The following TBC1D19 variants were observed in gnomAD, a reference collection of about 807,000 sequenced individuals.
TBC1D19 encodes the protein TBC1 domain family, member 19.
A neutral mutation model predicts 89.0 loss-of-function variants in TBC1D19; 60 were observed. The observed-to-expected ratio is 0.67, with a 90% confidence interval of 0.55 to 0.84. The LOEUF is 0.84. Among genes scored for constraint, TBC1D19 ranks in the 40% least tolerant of loss-of-function variants. The pLI is 0.00. For synonymous variants in TBC1D19, 189 were observed against 199.7 expected (o/e 0.95, Z 0.45); for missense variants, 500 against 610.8 (o/e 0.82, Z 1.91).
Position 26,584,414 on chromosome 4 carries a change from AAAAC to A in TBC1D19, c.99+128_99+131del, listed in dbSNP as rs570024092. 5.1e-4 allele frequency: 459 copies of A among 900,116 alleles called. 6 individuals are homozygous for A. The highest frequency in any genetic ancestry group is 5.2e-4 in the Middle Eastern group (2 of 3,838). The allele number at this position is 900,116 out of a possible 1,614,324, so 55.8% of individuals were successfully genotyped here. A position where few individuals can be genotyped will look rare whatever the true frequency, so the allele number is the denominator to read the frequency against. On this transcript the variant is annotated intron_variant, in intron 1 of 20. Transcript: ENST00000264866. ...TCTCCAGCTCCGCTCTGGTGCTCAAAAAACAAACAGACAAAAACAAAAACAAAAA... is the reference window on the plus strand; with the variant it reads ...TCTCCAGCTCCGCTCTGGTGCTCAAAAAACAGACAAAAACAAAAACAAAAA...
At chr4:26,726,673 A>G (rs112477963) in intron 15 of TBC1D19, among the ~76,000 whole-genome samples, 2,273 of 152,350 alleles carry the variant, frequency 0.015, 52 homozygotes, top group African/African-American at 0.052. Context: ...GAGAATAAAC[A>G]GAGGAATTGA....
the TBC1D19 span, among the ~76,000 whole-genome samples, chr4:26,763,615 C>T: frequency 6.6e-6 from 1 of 152,224 alleles, no homozygotes; most frequent in African/African-American, 2.4e-5. Flanking sequence ...AACCAAGCTG[C>T]ATCCCAACAA....
chr4:26,854,785 C>T, the TBC1D19 span, among the ~76,000 whole-genome samples: 1 of 150,178 alleles, frequency 6.7e-6, no homozygotes, highest in Non-Finnish European at 1.5e-5. Flanking sequence ...GTGGTAGACG[C>T]TCCTGGGATA....
At chr4:26,808,090 G>C in the TBC1D19 span, among the ~76,000 whole-genome samples, 1 of 152,220 alleles carries the variant, frequency 6.6e-6, no homozygotes, top group Non-Finnish European at 1.5e-5. Flanking sequence ...TTTTGCAAGA[G>C]ACATCGTCAT....
the TBC1D19 span, among the ~76,000 whole-genome samples, chr4:26,771,598 T>C: frequency 1.3e-5 from 2 of 152,308 alleles, no homozygotes; most frequent in Admixed American, 6.5e-5. Flanking sequence ...ATTCCACTTA[T>C]ATATGGTATC....
At chr4:26,585,137 C>CT (rs1284120129) in intron 1 of TBC1D19, 3 of 433,656 alleles carry the variant, frequency 6.9e-6, no homozygotes, top group Admixed American at 2.6e-5. Flanking sequence ...ATATTTGTTT[C>CT]TTTTTTTCTT....
At position 26,584,182 on chromosome 4, in the gene TBC1D19, A is replaced by C. The variant is rs571958263; in HGVS notation, c.-12A>C. On this transcript the variant is annotated 5_prime_UTR_variant, in exon 1 of 21. Coordinates refer to ENST00000264866, the MANE Select transcript of TBC1D19 (RefSeq NM_018317.4). ...GCCTGTCCCCGCGGCTTGGCGGGCT[A>C]GGGCAGGGGAAATGTTGCAGGAGGA... 6.2e-7 allele frequency: 1 copy of C among 1,605,568 alleles called. No homozygotes were observed. The highest frequency in any genetic ancestry group is 1.7e-5 in the Admixed American group (1 of 58,106).
chr4:26,851,249 G>T, the TBC1D19 span, among the ~76,000 whole-genome samples: 3 of 151,916 alleles, frequency 2.0e-5, no homozygotes, highest in Non-Finnish European at 4.4e-5. Flanking sequence ...CAGAGGGCCT[G>T]TCATGGGATT....
the TBC1D19 span, among the ~76,000 whole-genome samples, chr4:26,781,610 A>G: frequency 1.3e-5 from 2 of 152,200 alleles, no homozygotes; most frequent in Non-Finnish European, 2.9e-5. Flanking sequence ...GGTTTAAATG[A>G]GTTTGGTTCA....
At chr4:26,766,142 G>A in the TBC1D19 span, among the ~76,000 whole-genome samples, 1 of 152,124 alleles carries the variant, frequency 6.6e-6, no homozygotes, top group Non-Finnish European at 1.5e-5. Flanking sequence ...AGATGAATGA[G>A]TATTTCATGT....
chr4:26,845,696 C>T, the TBC1D19 span, among the ~76,000 whole-genome samples: 1 of 152,192 alleles, frequency 6.6e-6, no homozygotes, highest in Admixed American at 6.5e-5. Flanking sequence ...GACTCACAGT[C>T]CCCCATGGCT....
Position 26,683,720 on chromosome 4 carries a change from G to T in TBC1D19, c.862G>T (p.Asp288Tyr). 6.2e-7 allele frequency: 1 copy of T among 1,612,868 alleles called. No homozygotes were observed. The highest frequency in any genetic ancestry group is 1.1e-5 in the South Asian group (1 of 90,854). Residue 288 changes from aspartate (D) to tyrosine (Y), a missense_variant, in exon 12 of 21, where the codon GAC becomes TAC. Around this residue, in one of 2 missense-constraint regions of TBC1D19, gnomAD observed 220 missense variants for 319.1 expected, o/e 0.69. Transcript: ENST00000264866. ...EQLKTNVIQH[D>Y]LLVDSLIYKD... ...GCTTAAGACCAATGTGATACAACAT[G>T]ACCTTTTGGTGGACAGTCTAATCTA...
chr4:26,609,274 G>A (rs967214250), intron 1 of TBC1D19, among the ~76,000 whole-genome samples: 1 of 152,102 alleles, frequency 6.6e-6, no homozygotes. Context: ...AATAATTAAT[G>A]CCAGGGTGAT....
chr4:26,845,387 A>G, the TBC1D19 span, among the ~76,000 whole-genome samples: 1 of 152,168 alleles, frequency 6.6e-6, no homozygotes, highest in African/African-American at 2.4e-5. Flanking sequence ...AAAATAAATA[A>G]TATAATATTG....
At chr4:26,754,173 G>A (rs1428617485) in intron 20 of TBC1D19, 3 of 308,672 alleles carry the variant, frequency 9.7e-6, no homozygotes, top group African/African-American at 6.3e-5. Flanking sequence ...AACAATTGGG[G>A]TTTATGTTGC....
At chr4:26,855,889 G>A in the TBC1D19 span, among the ~76,000 whole-genome samples, 1 of 152,152 alleles carries the variant, frequency 6.6e-6, no homozygotes. Flanking sequence ...GTATATTTAT[G>A]GAGTACAATG....
chr4:26,773,688 G>C, the TBC1D19 span, among the ~76,000 whole-genome samples: 1 of 152,142 alleles, frequency 6.6e-6, no homozygotes, highest in South Asian at 2.1e-4. Context: ...CATATGGCTA[G>C]CCAGTTTTCC....
intron 7 of TBC1D19, among the ~76,000 whole-genome samples, chr4:26,657,294 T>G (rs1467030112): frequency 6.6e-6 from 1 of 151,902 alleles, no homozygotes; most frequent in Non-Finnish European, 1.5e-5. Context: ...GTCCATGTGT[T>G]TTCATTGTTC....
intron 19 of TBC1D19, among the ~76,000 whole-genome samples, chr4:26,752,347 C>A (rs1425840882): frequency 1.3e-5 from 2 of 150,582 alleles, no homozygotes; most frequent in Non-Finnish European, 3.0e-5. Flanking sequence ...TGGGCTCAAG[C>A]AATCCTCTGC....
Sources: allele counts gnomAD v4.1 joint callset (sites outside exome capture counted in the v4.1 genomes callset), GRCh38; gene constraint gnomAD v4.1.1; regional missense constraint gnomAD v4.1.1; transcripts MANE v1.5; gene names NCBI Gene and HGNC (gene_info 2026-07-23, HGNC 2026-07-21).